SPMIP4: variants seen among roughly 807,000 people sequenced by gnomAD.
The protein encoded by SPMIP4 is sperm-associated microtubule inner protein 4.
chr7:25,127,772 G>C, the SPMIP4 span, among the ~76,000 whole-genome samples: 7 of 152,210 alleles, frequency 4.6e-5, no homozygotes, highest in Non-Finnish European at 1.0e-4. Flanking sequence ...TCTGGGCACT[G>C]AAGAGTTAGG....
At chr7:25,173,253 G>A in the SPMIP4 span, among the ~76,000 whole-genome samples, 1 of 152,174 alleles carries the variant, frequency 6.6e-6, no homozygotes, top group South Asian at 2.1e-4. This position sits in a 1 kb window ranked among gnomAD's most constrained non-coding sequence, Gnocchi z 4.4. Flanking sequence ...ATAGAATGAA[G>A]AAGCAACACT....
At chr7:25,179,042 AAAAC>A in the SPMIP4 span, 494 of 880,442 alleles carry the variant, frequency 5.6e-4, no homozygotes, top group African/African-American at 2.0e-3. Context: ...CACCGTCTCA[AAAAC>A]AAACAAACAA....
At chr7:25,155,120 G>T in the SPMIP4 span, 1 of 1,613,370 alleles carries the variant, frequency 6.2e-7, no homozygotes. Context: ...GTGACGTGAA[G>T]GTGGGGAACA....
chr7:25,131,080 G>C, the SPMIP4 span, among the ~76,000 whole-genome samples: 5 of 152,148 alleles, frequency 3.3e-5, no homozygotes, highest in Non-Finnish European at 7.3e-5. This position sits in a 1 kb window ranked among gnomAD's most constrained non-coding sequence, Gnocchi z 4.2. Flanking sequence ...GCACATTACT[G>C]CCTGAGCTCC....
the SPMIP4 span, among the ~76,000 whole-genome samples, chr7:25,140,404 C>T: frequency 6.6e-6 from 1 of 152,310 alleles, no homozygotes; most frequent in Admixed American, 6.5e-5. Flanking sequence ...CAGATTCAAG[C>T]GATTCTCCCA....
At chr7:25,163,167 A>G in the SPMIP4 span, among the ~76,000 whole-genome samples, 5 of 152,234 alleles carry the variant, frequency 3.3e-5, no homozygotes, top group African/African-American at 1.2e-4. This position sits in a 1 kb window ranked among gnomAD's most constrained non-coding sequence, Gnocchi z 4.4. Context: ...AAAAGAATAC[A>G]TGACGGCTAA....
At chr7:25,137,466 A>G in the SPMIP4 span, among the ~76,000 whole-genome samples, 1 of 152,122 alleles carries the variant, frequency 6.6e-6, no homozygotes, top group Non-Finnish European at 1.5e-5. Flanking sequence ...GGTACCACAA[A>G]CTGGGTGGCT....
chr7:25,140,166 C>G, the SPMIP4 span, among the ~76,000 whole-genome samples: 1 of 152,040 alleles, frequency 6.6e-6, no homozygotes, highest in African/African-American at 2.4e-5. Context: ...GCAAATTCAA[C>G]AAAAAAATTA....
At chr7:25,136,892 A>G in the SPMIP4 span, 1 of 1,156,262 alleles carries the variant, frequency 8.6e-7, no homozygotes, top group African/African-American at 1.5e-5. The surrounding 1 kb of genome is among the most constrained non-coding windows in gnomAD (Gnocchi z 5.7). Flanking sequence ...TGAGTACACG[A>G]GATGGGCATA....
chr7:25,158,474 G>A, the SPMIP4 span: 1 of 1,577,596 alleles, frequency 6.3e-7, no homozygotes, highest in African/African-American at 1.4e-5. Context: ...TTATAACAGA[G>A]AAGGAAAATA....
the SPMIP4 span, among the ~76,000 whole-genome samples, chr7:25,146,382 C>T: frequency 1.3e-5 from 2 of 152,242 alleles, no homozygotes; most frequent in Admixed American, 6.5e-5. Flanking sequence ...TGTCAATGGG[C>T]CTGAGCAGGT....
At chr7:25,172,357 A>G in the SPMIP4 span, among the ~76,000 whole-genome samples, 1 of 152,184 alleles carries the variant, frequency 6.6e-6, no homozygotes, top group Non-Finnish European at 1.5e-5. This position sits in a 1 kb window ranked among gnomAD's most constrained non-coding sequence, Gnocchi z 4.2. Flanking sequence ...AGGAGCCAGC[A>G]GGATGGTGAG....
chr7:25,151,183 CAA>C, the SPMIP4 span, among the ~76,000 whole-genome samples: 1 of 151,426 alleles, frequency 6.6e-6, no homozygotes, highest in African/African-American at 2.4e-5. Context: ...GTCAAAATCT[CAA>C]ATTTTACATT....
At chr7:25,177,738 A>G in the SPMIP4 span, among the ~76,000 whole-genome samples, 1 of 152,224 alleles carries the variant, frequency 6.6e-6, no homozygotes, top group African/African-American at 2.4e-5. Context: ...CTACATACAA[A>G]GCATTTGGTA....
At chr7:25,130,343 G>A in the SPMIP4 span, among the ~76,000 whole-genome samples, 2 of 136,798 alleles carry the variant, frequency 1.5e-5, no homozygotes, top group African/African-American at 5.8e-5. Context: ...ACGGAGTTTC[G>A]CTCTTGTTGC....
the SPMIP4 span, chr7:25,179,278 A>C: frequency 3.7e-6 from 6 of 1,613,534 alleles, no homozygotes; most frequent in Non-Finnish European, 4.2e-6. Flanking sequence ...AGCTCCCTGC[A>C]ACAGTAGGGC....
At chr7:25,170,958 A>G in the SPMIP4 span, among the ~76,000 whole-genome samples, 4 of 152,212 alleles carry the variant, frequency 2.6e-5, no homozygotes, top group Non-Finnish European at 5.9e-5. Flanking sequence ...TAGTTGCATA[A>G]GCATCTCCTT....
At chr7:25,163,209 T>C in the SPMIP4 span, among the ~76,000 whole-genome samples, 1 of 152,250 alleles carries the variant, frequency 6.6e-6, no homozygotes, top group African/African-American at 2.4e-5. This position sits in a 1 kb window ranked among gnomAD's most constrained non-coding sequence, Gnocchi z 4.4. Context: ...TGTAGAATAC[T>C]GTGAGAAATT....
At chr7:25,176,377 C>A in the SPMIP4 span, among the ~76,000 whole-genome samples, 6 of 152,186 alleles carry the variant, frequency 3.9e-5, no homozygotes, top group Non-Finnish European at 8.8e-5. The surrounding 1 kb of genome is among the most constrained non-coding windows in gnomAD (Gnocchi z 4.4). Context: ...AGATCACACA[C>A]AATCCACTAA....
Sources: allele counts gnomAD v4.1 joint callset (sites outside exome capture counted in the v4.1 genomes callset), GRCh38; gene constraint gnomAD v4.1.1; non-coding constraint Gnocchi (gnomAD v3.1); transcripts MANE v1.5; gene names NCBI Gene and HGNC (gene_info 2026-07-23, HGNC 2026-07-21).